Variants in ATRNL1 observed in about 807,000 individuals in gnomAD.
ATRNL1 encodes attractin-like protein 1.
ATRNL1 carries 95 observed loss-of-function variants against 182.7 expected under a neutral mutation model. The ratio of observed to expected loss-of-function variants is 0.52; its 90% CI spans 0.44 to 0.62. The LOEUF is 0.62. Ranked by LOEUF, ATRNL1 falls within the 20% of genes least tolerant of loss-of-function variation. ATRNL1 has a pLI of 0.00. For missense variants in ATRNL1, 1,471 were observed against 1,679.5 expected, an observed-to-expected ratio of 0.88 and a Z score of 2.17; for synonymous variants, 576 against 568.3, an observed-to-expected ratio of 1.01 and a Z score of -0.19.
chr10:115,747,732 T>C (rs1331945530), intron 27 of ATRNL1, among the ~76,000 whole-genome samples: 2 of 151,948 alleles, frequency 1.3e-5, no homozygotes, highest in East Asian at 3.9e-4. Context: ...ACAACAAAAA[T>C]ACCATAAACT....
Position 115,467,272 on chromosome 10 carries a change from A to G in ATRNL1, c.3496+20A>G, listed in dbSNP as rs371170137. On this transcript the variant is annotated intron_variant, in intron 23 of 28. Coordinates refer to ENST00000355044, the MANE Select transcript of ATRNL1 (RefSeq NM_207303.4). ...CAACAGGTAAAAAAATGTTGATGTC[A>G]TATCTCTTTTACATGTGTTCCTATC... 1.9e-5 allele frequency: 29 copies of G among 1,555,294 alleles called. No individual in the cohort carries two copies. The highest frequency in any genetic ancestry group is 2.5e-5 in the Non-Finnish European group (28 of 1,133,686).
At chr10:115,529,988 G>C (rs551272503) in intron 25 of ATRNL1, among the ~76,000 whole-genome samples, 2 of 152,222 alleles carry the variant, frequency 1.3e-5, no homozygotes, top group Non-Finnish European at 2.9e-5. Flanking sequence ...CGTACAATAT[G>C]TGTTCTTTTG....
At chr10:115,163,648 G>A (rs1197963594) in intron 6 of ATRNL1, among the ~76,000 whole-genome samples, 1 of 152,150 alleles carries the variant, frequency 6.6e-6, no homozygotes. Flanking sequence ...TTTCAGGTGT[G>A]AGCTACCGTG....
At chr10:115,506,697 C>G (rs1386137533) in intron 24 of ATRNL1, among the ~76,000 whole-genome samples, 1 of 152,018 alleles carries the variant, frequency 6.6e-6, no homozygotes, top group Non-Finnish European at 1.5e-5. Flanking sequence ...CTTTAGATCT[C>G]GACCAAATTT....
At chr10:115,705,036 G>T (rs1946854420) in intron 26 of ATRNL1, among the ~76,000 whole-genome samples, 1 of 151,630 alleles carries the variant, frequency 6.6e-6, no homozygotes. Context: ...GCTGCATGTG[G>T]ATTTCTCTTT....
At chr10:115,683,292 C>G (rs2133954627) in intron 26 of ATRNL1, among the ~76,000 whole-genome samples, 1 of 152,020 alleles carries the variant, frequency 6.6e-6, no homozygotes, top group African/African-American at 2.4e-5. Flanking sequence ...TGACTCTGAG[C>G]TTCCTAGAAG....
chr10:115,685,153 T>A (rs990239074), intron 26 of ATRNL1, among the ~76,000 whole-genome samples: 1 of 151,804 alleles, frequency 6.6e-6, no homozygotes, highest in African/African-American at 2.4e-5. Flanking sequence ...TATTGTGGTC[T>A]AATTGTGTTG....
At chr10:115,319,420 G>C (rs782184545) in intron 18 of ATRNL1, among the ~76,000 whole-genome samples, 1 of 152,302 alleles carries the variant, frequency 6.6e-6, no homozygotes, top group Middle Eastern at 3.4e-3. Flanking sequence ...ATCCAGAGCT[G>C]AGTTCAAGTC....
At chr10:115,733,329 G>A (rs1437321118) in intron 27 of ATRNL1, among the ~76,000 whole-genome samples, 3 of 151,998 alleles carry the variant, frequency 2.0e-5, no homozygotes, top group South Asian at 2.1e-4. Flanking sequence ...TATAGCTTTC[G>A]AGTACTATAA....
At chr10:115,850,806 C>G (rs188035985) in intron 28 of ATRNL1, among the ~76,000 whole-genome samples, 18 of 152,238 alleles carry the variant, frequency 1.2e-4, no homozygotes, top group Admixed American at 1.2e-3. Flanking sequence ...GATTCCTCTC[C>G]TAGAAGCCCT....
chr10:115,947,738 T>C lies in ATRNL1; in HGVS notation c.*2959T>C, dbSNP rs1450374892. 6.6e-6 allele frequency: 1 copy of C among 152,244 alleles called. No individual in the cohort carries two copies. Among genetic ancestry groups the C allele is most frequent in the Non-Finnish European group, 1.5e-5 (1 of 68,048 alleles). 9.4% of individuals were successfully genotyped at this position (152,244 alleles called of 1,614,324 possible). A position where few individuals can be genotyped will look rare whatever the true frequency, so the allele number is the denominator to read the frequency against. On this transcript the variant is annotated 3_prime_UTR_variant, in exon 29 of 29. Coordinates refer to ENST00000355044, the MANE Select transcript of ATRNL1 (RefSeq NM_207303.4). ...AGTAAGATAGAGGTGACTGTATGGC[T>C]ACAGTTCATGGTATAAGGTCATTTA...
chr10:115,159,501 T>C (rs12770988), intron 5 of ATRNL1, among the ~76,000 whole-genome samples: 48,549 of 151,174 alleles, frequency 0.32, 8,840 homozygotes, highest in Middle Eastern at 0.44. Context: ...GAAGCAAACT[T>C]TGGTTGTCCT....
chr10:115,702,616 A>G (rs1946773628), intron 26 of ATRNL1, among the ~76,000 whole-genome samples: 1 of 152,142 alleles, frequency 6.6e-6, no homozygotes, highest in South Asian at 2.1e-4. Context: ...ATCAATGTAC[A>G]CAAATCAGCA....
At chr10:115,370,324 T>C (rs1357644572) in intron 19 of ATRNL1, among the ~76,000 whole-genome samples, 3 of 152,210 alleles carry the variant, frequency 2.0e-5, no homozygotes, top group African/African-American at 7.2e-5. Context: ...ACTTTGGAAC[T>C]GGTTACAGGC....
intron 28 of ATRNL1, among the ~76,000 whole-genome samples, chr10:115,898,932 T>A (rs1287328195): frequency 6.6e-6 from 1 of 152,136 alleles, no homozygotes; most frequent in African/African-American, 2.4e-5. Flanking sequence ...TTTTTTTGTT[T>A]CTTTACTTTT....
chr10:115,806,973 A>G (rs1949933974), intron 27 of ATRNL1, among the ~76,000 whole-genome samples: 1 of 152,156 alleles, frequency 6.6e-6, no homozygotes, highest in African/African-American at 2.4e-5. Flanking sequence ...CCTTTCTGCA[A>G]CCTCTGGAGT....
At chr10:115,354,779 C>T (rs1554942405) in intron 19 of ATRNL1, among the ~76,000 whole-genome samples, 1 of 152,056 alleles carries the variant, frequency 6.6e-6, no homozygotes, top group Non-Finnish European at 1.5e-5. Flanking sequence ...AAACTTTCTA[C>T]CCCGGTCTTT....
Position 115,457,110 on chromosome 10 carries a change from G to T in ATRNL1, c.3323-4831G>T, listed in dbSNP as rs1329420086. Among the ~76,000 whole-genome samples the T allele has an allele frequency of 3.3e-5, 5 of 152,030 alleles. No individual in the cohort carries two copies. In the East Asian group the frequency reaches 7.7e-4, roughly 23 times the overall value. ...TGAGTTCTTTTCTCGTGACCATGAG[G>T]AATAAGGTACGTGGACACCGGAGAG... On this transcript the variant is annotated intron_variant, in intron 21 of 28. Coordinates refer to ENST00000355044, the MANE Select transcript of ATRNL1 (RefSeq NM_207303.4).
chr10:115,421,393 C>G (rs1565024884), intron 20 of ATRNL1, among the ~76,000 whole-genome samples: 1 of 152,046 alleles, frequency 6.6e-6, no homozygotes, highest in Non-Finnish European at 1.5e-5. Context: ...GTTCAAACCA[C>G]AAAAATTAAT....
Sources: allele counts gnomAD v4.1 joint callset (sites outside exome capture counted in the v4.1 genomes callset), GRCh38; gene constraint gnomAD v4.1.1; transcripts MANE v1.5; gene names NCBI Gene and HGNC (gene_info 2026-07-23, HGNC 2026-07-21).